Variants in YIPF1 observed in about 807,000 individuals in gnomAD.
YIPF1 encodes Yip1 domain family member 1.
Under a neutral mutation model 37.0 loss-of-function variants are expected in YIPF1, and 22 were observed. The ratio of observed to expected loss-of-function variants is 0.59; its 90% CI spans 0.42 to 0.85. The LOEUF is 0.85. Among genes scored for constraint, YIPF1 ranks in the 40% least tolerant of loss-of-function variants. The probability of loss-of-function intolerance (pLI) is 0.00; values close to 1 mark genes in which losing one functional copy is unlikely to be tolerated. For synonymous variants in YIPF1, 128 were observed against 131.9 expected, an observed-to-expected ratio of 0.97 and a Z score of 0.21; for missense variants, 355 against 373.1, an observed-to-expected ratio of 0.95 and a Z score of 0.40.
chr1:53,861,290 A>T (rs917644825), intron 9 of YIPF1, among the ~76,000 whole-genome samples: 4 of 151,992 alleles, frequency 2.6e-5, no homozygotes, highest in Non-Finnish European at 4.4e-5. Context: ...TAAGTGGGGG[A>T]TGGGGCCACA....
At chr1:53,888,818 AT>A in intron 3 of YIPF1, 88 bp downstream of exon 3, 1 of 1,248,198 alleles carries the variant, frequency 8.0e-7, no homozygotes, top group Non-Finnish European at 1.1e-6. Flanking sequence ...ATATCCTTCA[AT>A]GTGTGAGGCA....
At chr1:53,876,971 C>G (rs1321444565) in intron 6 of YIPF1, among the ~76,000 whole-genome samples, 3 of 152,206 alleles carry the variant, frequency 2.0e-5, no homozygotes, top group Admixed American at 2.0e-4. Context: ...TAAAATAGTG[C>G]TTATCTCCAC....
chr1:53,877,321 A>G (rs1650359932), intron 6 of YIPF1, among the ~76,000 whole-genome samples: 5 of 152,216 alleles, frequency 3.3e-5, no homozygotes, highest in African/African-American at 1.2e-4. Flanking sequence ...ATCAACATAT[A>G]TGACTGCTTT....
intron 7 of YIPF1, among the ~76,000 whole-genome samples, chr1:53,868,504 G>A (rs1056422255): frequency 6.6e-6 from 1 of 152,160 alleles, no homozygotes; most frequent in African/African-American, 2.4e-5. Context: ...GTAGAAGAGC[G>A]ACTGATCAAT....
intron 9 of YIPF1, among the ~76,000 whole-genome samples, chr1:53,860,495 G>C (rs1384443335): frequency 6.6e-6 from 1 of 152,190 alleles, no homozygotes; most frequent in Admixed American, 6.5e-5. Flanking sequence ...CTAATGAGTG[G>C]TGAAGCCAGA....
Position 53,860,111 on chromosome 1 carries a change from T to C in YIPF1, c.874A>G (p.Thr292Ala), listed in dbSNP as rs774071821. 1.9e-6 allele frequency: 3 copies of C among 1,613,972 alleles called. No homozygotes were observed. The highest frequency in any genetic ancestry group is 2.5e-6 in the Non-Finnish European group (3 of 1,180,002). The change falls in exon 10 of 11, where the codon ACT (threonine) becomes GCT (alanine). Residue 292 changes from threonine (T) to alanine (A), a missense_variant. Coordinates refer to ENST00000072644, the MANE Select transcript of YIPF1 (RefSeq NM_018982.5). ...ACTGTTTGGTTTGGAGTAGCTGTAGTTGTTGGGAGATGGTCCATCTCTGGT... is the reference window on the plus strand; with the variant it reads ...ACTGTTTGGTTTGGAGTAGCTGTAGCTGTTGGGAGATGGTCCATCTCTGGT... ...DAPEMDHLPT[T>A]TATPNQTVAA... is the part of the protein sequence containing the mutation.
chr1:53,875,630 G>A (rs1046368041), intron 6 of YIPF1, among the ~76,000 whole-genome samples: 1 of 152,178 alleles, frequency 6.6e-6, no homozygotes, highest in Non-Finnish European at 1.5e-5. Context: ...CCTCCACACT[G>A]TCTCTCTCAC....
At chr1:53,876,570 A>G (rs1194466062) in intron 6 of YIPF1, among the ~76,000 whole-genome samples, 1 of 152,232 alleles carries the variant, frequency 6.6e-6, no homozygotes, top group African/African-American at 2.4e-5. Context: ...CTTGGATTCA[A>G]GCCCTGGCTT....
intron 10 of YIPF1, among the ~76,000 whole-genome samples, chr1:53,855,897 A>G (rs1649706195): frequency 6.6e-6 from 1 of 152,172 alleles, no homozygotes; most frequent in Non-Finnish European, 1.5e-5. Context: ...AATGTGTTCT[A>G]AGCTAAGCCT....
chr1:53,858,119 GAA>G (rs1649771254), intron 10 of YIPF1, among the ~76,000 whole-genome samples: 1 of 152,170 alleles, frequency 6.6e-6, no homozygotes, highest in East Asian at 1.9e-4. Context: ...AATGAGGAGG[GAA>G]GCCCATGCTA....
rs548491880 is a variant in YIPF1 at position 53,867,931 on chromosome 1, G to C, written c.482-1007C>G. On this transcript the variant is annotated intron_variant, in intron 7 of 10. Coordinates refer to ENST00000072644, the MANE Select transcript of YIPF1 (RefSeq NM_018982.5). ...CCTCTAGTAGCAGCACGCCCTGGAG[G>C]ATTCCCTTTCCCTCTTCTGGAGTGG... is the stretch of plus-strand genomic sequence containing the variant. Among the ~76,000 whole-genome samples, 3 of 152,322 alleles carry C rather than the reference G, an allele frequency of 2.0e-5. No individual in the cohort carries two copies. In the South Asian group the frequency reaches 6.2e-4, roughly 32 times the overall value.
intron 7 of YIPF1, among the ~76,000 whole-genome samples, chr1:53,869,354 ATAGT>A (rs1650117991): frequency 6.6e-6 from 1 of 151,662 alleles, no homozygotes; most frequent in African/African-American, 2.4e-5. Context: ...GTGTATAGTA[ATAGT>A]TAATGTTTAT....
intron 6 of YIPF1, among the ~76,000 whole-genome samples, chr1:53,872,441 G>A (rs1022978051): frequency 3.3e-5 from 5 of 152,032 alleles, no homozygotes; most frequent in Admixed American, 6.5e-5. Context: ...CTTTTTCAAT[G>A]GTTTTAAGAT....
At chr1:53,866,959 C>A in intron 7 of YIPF1, 35 bp from the exon 8 acceptor site, 1 of 1,588,222 alleles carries the variant, frequency 6.3e-7, no homozygotes, top group Non-Finnish European at 8.6e-7. Context: ...CAATCTCCAT[C>A]ATGCCTTTAG....
At chr1:53,888,867 A>C in intron 3 of YIPF1, 40 bp downstream of exon 3, 1 of 1,543,026 alleles carries the variant, frequency 6.5e-7, no homozygotes, top group Non-Finnish European at 8.9e-7. Flanking sequence ...CTGTAGCAAC[A>C]GTGATCATAA....
At chr1:53,879,917 C>T (rs11206234) in intron 4 of YIPF1, among the ~76,000 whole-genome samples, 57,833 of 151,770 alleles carry the variant, frequency 0.38, 11,250 homozygotes, top group East Asian at 0.57. Context: ...CACCCAGGAG[C>T]AGCACGGAGA....
At chr1:53,877,581 A>G (rs1029515403) in intron 6 of YIPF1, among the ~76,000 whole-genome samples, 2 of 152,124 alleles carry the variant, frequency 1.3e-5, no homozygotes, top group African/African-American at 4.8e-5. Context: ...AGACAGCATT[A>G]AGGTCAGGGA....
chr1:53,873,859 C>T (rs1650261042), intron 6 of YIPF1, among the ~76,000 whole-genome samples: 1 of 152,032 alleles, frequency 6.6e-6, no homozygotes, highest in African/African-American at 2.4e-5. Context: ...TAAAGGCAGG[C>T]TGGTATGGGA....
chr1:53,872,299 C>A (rs11581991), intron 6 of YIPF1, among the ~76,000 whole-genome samples: 63,389 of 151,634 alleles, frequency 0.42, 13,806 homozygotes, highest in East Asian at 0.57. Context: ...TGTATATAAG[C>A]AAATGCATGT....
Sources: allele counts gnomAD v4.1 joint callset (sites outside exome capture counted in the v4.1 genomes callset), GRCh38; gene constraint gnomAD v4.1.1; transcripts MANE v1.5; gene names NCBI Gene and HGNC (gene_info 2026-07-23, HGNC 2026-07-21).